The following CCDC171 variants were observed in gnomAD, a reference collection of about 807,000 sequenced individuals.
The protein encoded by CCDC171 is coiled-coil domain containing 171, also known as coiled-coil domain-containing protein 171.
A neutral mutation model predicts 168.2 loss-of-function variants in CCDC171; 177 were observed. The observed-to-expected ratio is 1.05, with a 90% CI of 0.93 to 1.19. The LOEUF is 1.19. CCDC171 is among the 50% of genes most tolerant of loss of function. The pLI, the probability that CCDC171 is intolerant of heterozygous loss-of-function variation, is 0.00. For missense variants in CCDC171, 1,991 were observed against 1,539.0 expected (o/e 1.29, Z -4.91); for synonymous variants, 687 against 540.8 (o/e 1.27, Z -3.75).
chr9:15,660,715 TC>T (rs2048249524), intron 8 of CCDC171, among the ~76,000 whole-genome samples: 1 of 152,218 alleles, frequency 6.6e-6, no homozygotes, highest in African/African-American at 2.4e-5. Context: ...CTTTATCCAA[TC>T]CATCATTGAT....
chr9:15,708,922 T>G (rs1405049555), intron 11 of CCDC171, among the ~76,000 whole-genome samples: 1 of 152,194 alleles, frequency 6.6e-6, no homozygotes, highest in Non-Finnish European at 1.5e-5. Context: ...ATACATACAG[T>G]CTTTTTTCAA....
At chr9:16,102,488 T>TGGGGGGGGGGGGGG in the CCDC171 span, among the ~76,000 whole-genome samples, 1 of 50,086 alleles carries the variant, frequency 2.0e-5, no homozygotes, top group African/African-American at 5.7e-5. Context: ...AAACGTGTGT[T>TGGGGGGGGGGGGGG]GGGGGGGGGC....
At chr9:15,946,153 C>G (rs1026995875) in intron 25 of CCDC171, among the ~76,000 whole-genome samples, 1 of 151,862 alleles carries the variant, frequency 6.6e-6, no homozygotes, top group Non-Finnish European at 1.5e-5. Flanking sequence ...TTCCCCATTG[C>G]TTGTTTTTCT....
At chr9:15,763,390 A>G (rs941349076) in intron 18 of CCDC171, among the ~76,000 whole-genome samples, 1 of 152,150 alleles carries the variant, frequency 6.6e-6, no homozygotes, top group Non-Finnish European at 1.5e-5. Flanking sequence ...CTTCTTGAAC[A>G]TTGGGGTGAT....
chr9:15,846,806 G>C lies in CCDC171; in HGVS notation c.3372G>C (p.Glu1124Asp). ...AGCAGGACAAGCGTCGACTGGAGGA[G>C]AACATCCATGATGCAGAGAGTGCCC... ...QLEQDKRRLEENIHDAESALR... is the reference protein window; with the variant it reads ...QLEQDKRRLEDNIHDAESALR... The change falls in exon 22 of 26, where the codon GAG (glutamate) becomes GAC (aspartate). Residue 1124 changes from glutamate (E) to aspartate (D), a missense_variant. Transcript: ENST00000380701. The C allele has an allele frequency of 1.2e-6, 2 of 1,610,756 alleles. No homozygotes were observed. Among genetic ancestry groups the C allele is most frequent in the South Asian group, 2.2e-5 (2 of 90,500 alleles).
downstream of CCDC171, among the ~76,000 whole-genome samples, chr9:15,976,998 AAAAT>A (rs1424748682): frequency 3.3e-5 from 5 of 152,184 alleles, no homozygotes; most frequent in African/African-American, 1.2e-4. Context: ...AAAGAAAAGA[AAAAT>A]AAAGCCTCTG....
intron 6 of CCDC171, among the ~76,000 whole-genome samples, chr9:15,596,024 T>A (rs1372304982): frequency 1.3e-5 from 2 of 152,136 alleles, no homozygotes; most frequent in Non-Finnish European, 2.9e-5. Flanking sequence ...GTTTGAGTTC[T>A]TTGTAGATTC....
chr9:15,688,331 A>C (rs973952192), intron 10 of CCDC171, among the ~76,000 whole-genome samples: 2 of 152,158 alleles, frequency 1.3e-5, no homozygotes, highest in Non-Finnish European at 2.9e-5. Context: ...AAATTCTTTC[A>C]AAAATAGAAG....
chr9:15,788,189 G>A (rs7853304), intron 21 of CCDC171, among the ~76,000 whole-genome samples: 11,834 of 152,208 alleles, frequency 0.078, 1,534 homozygotes, highest in African/African-American at 0.27. Flanking sequence ...ACTGGCCTTG[G>A]AACAAGTATT....
chr9:15,829,872 AT>A (rs751221734), intron 21 of CCDC171, among the ~76,000 whole-genome samples: 3 of 152,190 alleles, frequency 2.0e-5, no homozygotes, highest in Non-Finnish European at 4.4e-5. Flanking sequence ...GTGAACCATG[AT>A]TGTGCCACTG....
In CCDC171 at chr9:15,702,537, G is replaced by C. The variant is rs569103269; in HGVS notation, c.1318+7200G>C. On this transcript the variant is annotated intron_variant, in intron 11 of 25. Transcript: ENST00000380701. ...AAATGAGCATTGGCTTCAACTTAAA[G>C]TCACCAGCCACATTAGCCCCTAACA... Among the ~76,000 whole-genome samples the C allele has an allele frequency of 9.2e-5, 14 of 152,162 alleles. No homozygotes were observed. The South Asian group carries it at 2.5e-3, about 27-fold the overall frequency.
chr9:15,662,879 G>A (rs2133080130), intron 8 of CCDC171, among the ~76,000 whole-genome samples: 1 of 152,228 alleles, frequency 6.6e-6, no homozygotes, highest in East Asian at 1.9e-4. Context: ...TACTCAGGAG[G>A]CTGAGGCAGG....
At chr9:15,623,466 C>T (rs1349945515) in intron 7 of CCDC171, 53 bp downstream of exon 7, 1 of 704,610 alleles carries the variant, frequency 1.4e-6, no homozygotes, top group Non-Finnish European at 2.2e-6. Context: ...TTCACATATG[C>T]GCGCGCGCGC....
intron 3 of CCDC171, among the ~76,000 whole-genome samples, chr9:15,997,856 G>T (rs768137186): frequency 6.6e-6 from 1 of 152,094 alleles, no homozygotes; most frequent in Non-Finnish European, 1.5e-5. Context: ...GGTTTAACAC[G>T]TATCCTTCCC....
chr9:15,810,297 C>T (rs1220266351), intron 21 of CCDC171, among the ~76,000 whole-genome samples: 1 of 152,220 alleles, frequency 6.6e-6, no homozygotes. Context: ...TAAAAGTTCT[C>T]CAAGTCCCCA....
intron 11 of CCDC171, among the ~76,000 whole-genome samples, chr9:15,716,844 A>C (rs990083051): frequency 6.6e-6 from 1 of 152,192 alleles, no homozygotes; most frequent in Non-Finnish European, 1.5e-5. Flanking sequence ...CAAAGATTCC[A>C]CTTCTCAACA....
intron 10 of CCDC171, among the ~76,000 whole-genome samples, chr9:15,691,773 C>T (rs560738410): frequency 1.4e-4 from 21 of 151,946 alleles, no homozygotes; most frequent in Non-Finnish European, 7.4e-5. Flanking sequence ...ACTTTTCGGA[C>T]TCAAGCAATC....
At chr9:15,831,032 C>T (rs950197740) in intron 21 of CCDC171, among the ~76,000 whole-genome samples, 3 of 145,324 alleles carry the variant, frequency 2.1e-5, no homozygotes, top group Non-Finnish European at 3.0e-5. Context: ...CGCAGTGGCA[C>T]GATCTCAGCT....
intron 11 of CCDC171, among the ~76,000 whole-genome samples, chr9:15,706,888 G>C (rs2052285236): frequency 6.6e-6 from 1 of 152,242 alleles, no homozygotes. Context: ...CTTTGGGCAT[G>C]TATGTGTCAC....
Sources: allele counts gnomAD v4.1 joint callset (sites outside exome capture counted in the v4.1 genomes callset), GRCh38; gene constraint gnomAD v4.1.1; transcripts MANE v1.5; gene names NCBI Gene and HGNC (gene_info 2026-07-23, HGNC 2026-07-21).